The following DNAJC13 variants were observed in gnomAD, a reference collection of about 807,000 sequenced individuals.
DNAJC13 encodes the protein DnaJ heat shock protein family (Hsp40) member C13.
DNAJC13 carries 75 observed loss-of-function variants against 290.5 expected under a neutral mutation model. The observed-to-expected ratio is 0.26, with a 90% CI of 0.21 to 0.31. The LOEUF (loss-of-function observed/expected upper bound fraction) is 0.31, where lower values mean the gene tolerates loss of function less well. DNAJC13 is among the 10% of genes least tolerant of loss of function. The pLI, the probability that DNAJC13 is intolerant of heterozygous loss-of-function variation, is 1.00. For synonymous variants in DNAJC13, 862 were observed against 892.0 expected (o/e 0.97, Z 0.60); for missense variants, 2,260 against 2,674.5 (o/e 0.85, Z 3.42).
chr3:132,461,153 T>C lies in DNAJC13; in HGVS notation c.1661T>C (p.Met554Thr). ...ACAACTGAAGGGCAGCAGTTTGATA[T>C]GCTCTTGGAGATGGTAGCATCCAAT... ...SETTEGQQFD[M>T]LLEMVASNGR... Residue 554 changes from methionine to threonine, a missense_variant, in exon 15 of 56, where the codon ATG (methionine) becomes ACG (threonine). Met to Thr is a moderately conservative substitution (Grantham distance 81). This residue lies in a region of DNAJC13 where 762 missense variants were observed against 964.1 expected (regional missense o/e 0.79). Coordinates refer to ENST00000260818, the MANE Select transcript of DNAJC13 (RefSeq NM_015268.4). The C allele has an allele frequency of 1.9e-6, 3 of 1,614,130 alleles. No homozygotes were observed. The highest frequency in any genetic ancestry group is 2.5e-6 in the Non-Finnish European group (3 of 1,179,988).
chr3:132,480,384 C>A lies in DNAJC13; in HGVS notation c.2788C>A (p.Leu930Ile). 1 of 1,612,242 alleles carries A rather than the reference C, an allele frequency of 6.2e-7. No individual in the cohort carries two copies. ...LILNKKNVKD[L>I]MDSNGIRILV... ...CCTCTTCCAGAAAAATGTTAAGGAT[C>A]TCATGGATTCAAATGGAATAAGAAT... The change falls in exon 26 of 56, where the codon CTC (leucine) becomes ATC (isoleucine). Residue 930 changes from leucine (L) to isoleucine (I), a missense_variant. Transcript: ENST00000260818.
intron 1 of DNAJC13, among the ~76,000 whole-genome samples, chr3:132,431,950 A>G (rs978585701): frequency 6.6e-6 from 1 of 152,134 alleles, no homozygotes; most frequent in African/African-American, 2.4e-5. Context: ...TGGTTGCAGA[A>G]CTCTAAATAC....
chr3:132,478,241 T>C (rs1934539435), intron 24 of DNAJC13, 101 bp downstream of exon 24: 3 of 975,744 alleles, frequency 3.1e-6, no homozygotes, highest in Non-Finnish European at 4.3e-6. Context: ...ACATTATTAC[T>C]GTAACTTTCT....
chr3:132,491,729 A>G (rs16839307), intron 32 of DNAJC13, among the ~76,000 whole-genome samples: 7,895 of 152,178 alleles, frequency 0.052, 412 homozygotes, highest in African/African-American at 0.14. Context: ...CCTTAGCTAG[A>G]TAGCATTAGA....
chr3:132,460,233 T>G lies in DNAJC13; in HGVS notation c.1450-17T>G, dbSNP rs370214295. On this transcript the variant is annotated splice_polypyrimidine_tract_variant and intron_variant, in intron 13 of 55. Coordinates refer to ENST00000260818, the MANE Select transcript of DNAJC13 (RefSeq NM_015268.4). Reference sequence around the variant, plus strand: ...ACTGCTTATGAATTATCACTGTTTTTTTTTTTTCATCAATAGCCCATGCAT... The same window carrying G: ...ACTGCTTATGAATTATCACTGTTTTGTTTTTTTCATCAATAGCCCATGCAT... 7 of 1,544,124 alleles carry G rather than the reference T, an allele frequency of 4.5e-6. No homozygotes were observed. Among genetic ancestry groups the G allele is most frequent in the African/African-American group, 1.4e-5 (1 of 71,800 alleles).
chr3:132,464,515 G>T (rs1933911530), intron 17 of DNAJC13, among the ~76,000 whole-genome samples: 6 of 152,034 alleles, frequency 3.9e-5, no homozygotes, highest in Admixed American at 3.9e-4. Flanking sequence ...AGCATAAGTT[G>T]CTGAGTTAAA....
rs1240054415 is a variant in DNAJC13, at chr3:132,461,203, C to G, written c.1711C>G (p.Gln571Glu). ...TGGAAGAACCCTTTTTAAACTTTTT[C>G]AGGTGAGAGCTTGTATTTTTCTTGT... ...SNGRTLFKLF[Q>E]HPSMAIIKGA... The change falls in exon 15 of 56, where the codon CAG becomes GAG. Residue 571 changes from glutamine (Q) to glutamate (E), a missense_variant and splice_region_variant. Around this residue, in one of 3 missense-constraint regions of DNAJC13, gnomAD observed 762 missense variants for 964.1 expected, o/e 0.79. Coordinates refer to ENST00000260818, the MANE Select transcript of DNAJC13 (RefSeq NM_015268.4). The G allele has an allele frequency of 2.5e-6, 4 of 1,613,746 alleles. No homozygotes were observed. The Admixed American group carries it at 6.7e-5, about 27-fold the overall frequency.
rs567250030 is a variant in DNAJC13 at position 132,424,306 on chromosome 3, A to T, written c.-14+6546A>T. Among the ~76,000 whole-genome samples, 8 of 152,248 alleles carry T rather than the reference A, an allele frequency of 5.3e-5. No individual in the cohort carries two copies. The East Asian group carries it at 1.3e-3, about 26-fold the overall frequency. On this transcript the variant is annotated intron_variant, in intron 1 of 55. Coordinates refer to ENST00000260818, the MANE Select transcript of DNAJC13 (RefSeq NM_015268.4). The stretch of plus-strand genomic sequence containing the variant: ...AAACTTCTGTTTTGTCAGAAATACA[A>T]ATTATTCCCCTCAGATGAAATGAGC...
intron 43 of DNAJC13, 24 bp from the exon 44 acceptor site, chr3:132,511,043 T>G: frequency 6.2e-7 from 1 of 1,608,288 alleles, no homozygotes; most frequent in South Asian, 1.1e-5. Context: ...CCATGTTGTT[T>G]AAATACTTGT....
intron 13 of DNAJC13, 44 bp from the exon 14 acceptor site, chr3:132,460,206 G>T (rs779137258): frequency 2.3e-6 from 3 of 1,317,102 alleles, no homozygotes; most frequent in Non-Finnish European, 3.2e-6. Context: ...CTAGCACATG[G>T]GACTGCTTAT....
rs1935241387 is a variant in DNAJC13, at chr3:132,496,606, G to C, written c.4099G>C (p.Glu1367Gln). ...SAKIVDGPDP[E>Q]NIILILKTQS... ...AAAAATAGTGGATGGGCCAGATCCA[G>C]AGAATATAATTTTAATTCTAAAAAC... The change falls in exon 36 of 56, where the codon GAG (glutamate) becomes CAG (glutamine). Residue 1367 changes from glutamate (E) to glutamine (Q), a missense_variant. Physicochemically the swap from Glu to Gln is conservative, Grantham distance 29. Transcript: ENST00000260818. 6.2e-7 allele frequency: 1 copy of C among 1,611,296 alleles called. No individual in the cohort carries two copies. The highest frequency in any genetic ancestry group is 1.3e-5 in the African/African-American group (1 of 74,816).
At chr3:132,439,080 A>G (rs1350613744) in intron 2 of DNAJC13, among the ~76,000 whole-genome samples, 1 of 152,216 alleles carries the variant, frequency 6.6e-6, no homozygotes. Flanking sequence ...AAAATTTATA[A>G]GTAAAATCTA....
chr3:132,453,552 G>A (rs1427876108), intron 7 of DNAJC13, 47 bp from the exon 8 acceptor site: 11 of 1,608,204 alleles, frequency 6.8e-6, no homozygotes, highest in Admixed American at 1.7e-5. Context: ...TGATTTTGAC[G>A]TTTTAAAAAA....
intron 2 of DNAJC13, among the ~76,000 whole-genome samples, chr3:132,438,657 T>C (rs1199566094): frequency 6.6e-6 from 1 of 152,224 alleles, no homozygotes; most frequent in African/African-American, 2.4e-5. Context: ...AGATAACCTG[T>C]CCAGGTATTC....
intron 14 of DNAJC13, among the ~76,000 whole-genome samples, chr3:132,460,582 A>T (rs1933759452): frequency 6.6e-6 from 1 of 152,088 alleles, no homozygotes; most frequent in South Asian, 2.1e-4. Flanking sequence ...TTTCACAGGG[A>T]TACTCCAAAT....
intron 55 of DNAJC13, among the ~76,000 whole-genome samples, chr3:132,534,221 A>G (rs1936518140): frequency 6.6e-6 from 1 of 152,212 alleles, no homozygotes; most frequent in Non-Finnish European, 1.5e-5. Context: ...AGACGTGTCC[A>G]TGTAGAACAG....
Position 132,456,241 on chromosome 3 carries a change from C to A in DNAJC13, c.939C>A (p.Ser313=). 2 of 1,610,054 alleles carry A rather than the reference C, an allele frequency of 1.2e-6. No individual in the cohort carries two copies. The highest frequency in any genetic ancestry group is 2.2e-5 in the South Asian group (2 of 90,188). Residue 313 remains serine (S), a synonymous_variant, in exon 10 of 56, where the codon TCC becomes TCA. Coordinates refer to ENST00000260818, the MANE Select transcript of DNAJC13 (RefSeq NM_015268.4). ...TACTTTTAATCTTACTTAGAGATTC[C>A]TTATTAGCAAGTTTGCTGGATGGAG... is the stretch of plus-strand genomic sequence containing the variant. The part of the protein sequence containing the change: ...VRKYSSTERD[S]LLASLLDGVR...
intron 48 of DNAJC13, among the ~76,000 whole-genome samples, chr3:132,519,907 C>T (rs570387729): frequency 6.6e-6 from 1 of 152,110 alleles, no homozygotes; most frequent in Admixed American, 6.6e-5. Flanking sequence ...GGGGAGGCCT[C>T]ACAATCATGG....
chr3:132,447,349 G>A lies in DNAJC13; in HGVS notation c.173G>A (p.Ser58Asn), dbSNP rs1247697951. 6.3e-7 allele frequency: 1 copy of A among 1,594,862 alleles called. No individual in the cohort carries two copies. The part of the protein sequence containing the change: ...QWPYGDICSI[S>N]PVGKGQGTEF... ...CCTTATGGAGACATTTGCAGCATCAGCCCTGTTGGAAAAGGACAAGGAACG... is the reference window on the plus strand; with the variant it reads ...CCTTATGGAGACATTTGCAGCATCAACCCTGTTGGAAAAGGACAAGGAACG... The change falls in exon 4 of 56, where the codon AGC becomes AAC. Residue 58 changes from serine (S) to asparagine (N), a missense_variant. Ser to Asn is a conservative substitution (Grantham distance 46). This residue lies in a region of DNAJC13 where 762 missense variants were observed against 964.1 expected (regional missense o/e 0.79). Coordinates refer to ENST00000260818, the MANE Select transcript of DNAJC13 (RefSeq NM_015268.4).
Sources: gnomAD v4.1 joint callset for allele counts (sites outside exome capture counted in the v4.1 genomes callset) on GRCh38, gnomAD v4.1.1 for gene constraint, gnomAD v4.1.1 regional missense constraint, MANE v1.5 for transcripts, NCBI Gene and HGNC (gene_info 2026-07-23, HGNC 2026-07-21) for gene names.